Variants in USP49 observed in about 807,000 individuals in gnomAD.
The protein encoded by USP49 is ubiquitin specific peptidase 49.
Under a neutral mutation model 58.6 loss-of-function variants are expected in USP49, and 24 were observed. That is an observed-to-expected ratio of 0.41 (90% CI 0.30 to 0.58). The LOEUF is 0.58. Ranked by LOEUF, USP49 falls within the 20% of genes least tolerant of loss-of-function variation. The pLI, the probability that USP49 is intolerant of heterozygous loss-of-function variation, is 0.30. For synonymous variants in USP49, 408 were observed against 365.1 expected (o/e 1.12, Z -1.34); for missense variants, 703 against 866.1 (o/e 0.81, Z 2.36).
chr6:41,820,183 T>G (rs1351782088), intron 3 of USP49, among the ~76,000 whole-genome samples: 1 of 10,582 alleles, frequency 9.5e-5, no homozygotes, highest in East Asian at 5.6e-3. Flanking sequence ...CATCATTAGT[T>G]TTTTTTTTTT....
chr6:41,875,709 G>A (rs544580959), intron 2 of USP49, among the ~76,000 whole-genome samples: 2 of 152,066 alleles, frequency 1.3e-5, no homozygotes, highest in African/African-American at 2.4e-5. Context: ...TCACATTTTT[G>A]GCCTATCCAA....
intron 3 of USP49, among the ~76,000 whole-genome samples, chr6:41,848,240 C>CA: frequency 6.6e-6 from 1 of 152,030 alleles, no homozygotes; most frequent in Non-Finnish European, 1.5e-5. Context: ...AGAGAATCAA[C>CA]ATACATCGCT....
rs1773103953 is a variant in USP49, at chr6:41,805,763, C to G, written c.1221G>C (p.Leu407=). ...QQDAQEFLCE[L]LHKVQQELES... is the part of the protein sequence containing the mutation. ...CGAGTTCCTGCTGCACCTTGTGCAG[C>G]AGCTCGCAGAGAAATTCCTGCGCGT... is the stretch of plus-strand genomic sequence containing the variant. The change falls in exon 4 of 8, where the codon CTG becomes CTC. Residue 407 remains leucine, a synonymous_variant. Coordinates refer to ENST00000682992, the MANE Select transcript of USP49 (RefSeq NM_001286554.2). The G allele has an allele frequency of 6.2e-7, 1 of 1,614,130 alleles. No homozygotes were observed. The highest frequency in any genetic ancestry group is 1.3e-5 in the African/African-American group (1 of 75,026).
Position 41,806,437 on chromosome 6 carries a change from C to T in USP49, c.547G>A (p.Glu183Lys). The change falls in exon 4 of 8, where the codon GAG becomes AAG. Residue 183 changes from glutamate to lysine, a missense_variant. Around this residue, in one of 6 missense-constraint regions of USP49, gnomAD observed 376 missense variants for 373.5 expected, o/e 1.01. Coordinates refer to ENST00000682992, the MANE Select transcript of USP49 (RefSeq NM_001286554.2). The surrounding 1 kb of genome is among the most constrained non-coding windows in gnomAD (Gnocchi z 5.9). ...RQEEALERKK[E>K]EARRRRREVK... ...TCGCGCCGCCGCCTCCGCGCCTCCT[C>T]CTTCTTGCGCTCCAGGGCCTCCTCC... 2 of 1,585,602 alleles carry T rather than the reference C, an allele frequency of 1.3e-6. No homozygotes were observed. The highest frequency in any genetic ancestry group is 8.5e-7 in the Non-Finnish European group (1 of 1,174,326).
intron 3 of USP49, among the ~76,000 whole-genome samples, chr6:41,826,966 T>C (rs1773548939): frequency 6.6e-6 from 1 of 152,202 alleles, no homozygotes; most frequent in Non-Finnish European, 1.5e-5. Context: ...GTTGATATCA[T>C]ATAAGGGCCT....
chr6:41,840,290 C>A (rs575350239), intron 3 of USP49, among the ~76,000 whole-genome samples: 2 of 150,788 alleles, frequency 1.3e-5, no homozygotes, highest in African/African-American at 4.9e-5. Context: ...AGGAGAATGG[C>A]GTCAACCCGG....
intron 2 of USP49, among the ~76,000 whole-genome samples, chr6:41,877,793 T>G (rs1036973632): frequency 6.6e-5 from 10 of 152,170 alleles, no homozygotes; most frequent in African/African-American, 2.4e-4. Context: ...ACTCCTGGCC[T>G]CAAGTGATCT....
intron 3 of USP49, among the ~76,000 whole-genome samples, chr6:41,830,823 A>C (rs1264758979): frequency 6.6e-6 from 1 of 151,858 alleles, no homozygotes; most frequent in Non-Finnish European, 1.5e-5. Context: ...ACTCCGTCTC[A>C]AGAGAAAAAA....
At chr6:41,893,134 G>T (rs1774837353) in intron 1 of USP49, among the ~76,000 whole-genome samples, 1 of 152,172 alleles carries the variant, frequency 6.6e-6, no homozygotes, top group African/African-American at 2.4e-5. Context: ...TTACAGAGAT[G>T]TTTTTCCATC....
At chr6:41,822,857 G>A (rs546497263) in intron 3 of USP49, among the ~76,000 whole-genome samples, 11 of 151,592 alleles carry the variant, frequency 7.3e-5, no homozygotes, top group African/African-American at 2.7e-4. Flanking sequence ...TTGGTTTCAA[G>A]AGAAAAGATG....
rs780225618 is a variant in USP49 at position 41,799,930 on chromosome 6, G to A, written c.1570C>T (p.Arg524Ter). The change falls in exon 6 of 8, where the codon CGA becomes TGA. Residue 524 changes from arginine (R) to a stop codon, truncating the protein, a stop_gained. Coordinates refer to ENST00000682992, the MANE Select transcript of USP49 (RefSeq NM_001286554.2). LOFTEE classifies it high-confidence loss of function. The stretch of plus-strand genomic sequence containing the variant: ...ACAAGGGGTTTGGGATTGGATTTTC[G>A]TCGTTTGCCTATGTGGTTTGGGAAG... ...YACDQCNSKR[R>*]KSNPKPLVLS... 1.2e-6 allele frequency: 2 copies of A among 1,613,884 alleles called. No individual in the cohort carries two copies. The highest frequency in any genetic ancestry group is 1.7e-6 in the Non-Finnish European group (2 of 1,179,912).
At chr6:41,854,532 T>G (rs1774091783) in intron 3 of USP49, among the ~76,000 whole-genome samples, 1 of 152,174 alleles carries the variant, frequency 6.6e-6, no homozygotes, top group Non-Finnish European at 1.5e-5. Flanking sequence ...CAGGGTAAGA[T>G]TCCTATCTAT....
chr6:41,823,625 A>G (rs989641051), intron 3 of USP49, among the ~76,000 whole-genome samples: 3 of 152,146 alleles, frequency 2.0e-5, no homozygotes, highest in African/African-American at 7.2e-5. Flanking sequence ...TTATCAACCA[A>G]GGTACCAAGG....
At chr6:41,880,259 G>A (rs1774580803) in intron 2 of USP49, among the ~76,000 whole-genome samples, 1 of 152,020 alleles carries the variant, frequency 6.6e-6, no homozygotes, top group Admixed American at 6.6e-5. Context: ...AAAAAGATGG[G>A]AAATAGGAAA....
chr6:41,836,997 T>G (rs1773740270), intron 3 of USP49, among the ~76,000 whole-genome samples: 1 of 152,132 alleles, frequency 6.6e-6, no homozygotes, highest in Non-Finnish European at 1.5e-5. Flanking sequence ...TGCTCATGGA[T>G]AAGAAGAATC....
intron 3 of USP49, among the ~76,000 whole-genome samples, chr6:41,830,235 T>G (rs957972450): frequency 3.9e-5 from 6 of 152,350 alleles, no homozygotes; most frequent in African/African-American, 1.4e-4. Context: ...ACAGTTTAAT[T>G]CTTCTATGGT....
intron 3 of USP49, among the ~76,000 whole-genome samples, chr6:41,864,302 C>T (rs1774272831): frequency 6.6e-6 from 1 of 152,142 alleles, no homozygotes. Flanking sequence ...GTGGCTCATG[C>T]CTGTAATCCC....
chr6:41,813,593 A>G (rs184705380), intron 3 of USP49, among the ~76,000 whole-genome samples: 7 of 152,322 alleles, frequency 4.6e-5, no homozygotes, highest in African/African-American at 1.7e-4. Flanking sequence ...TTTCTGATCT[A>G]TAAATCTGCT....
chr6:41,839,358 T>C (rs1185246182), intron 3 of USP49, among the ~76,000 whole-genome samples: 3 of 131,126 alleles, frequency 2.3e-5, no homozygotes, highest in Non-Finnish European at 4.6e-5. Flanking sequence ...ATGAGCAAGA[T>C]TGTGCCACTG....
Sources: gnomAD v4.1 joint callset for allele counts (sites outside exome capture counted in the v4.1 genomes callset) on GRCh38, gnomAD v4.1.1 for gene constraint, gnomAD v4.1.1 regional missense constraint, Gnocchi (gnomAD v3.1) non-coding constraint, MANE v1.5 for transcripts, NCBI Gene and HGNC (gene_info 2026-07-23, HGNC 2026-07-21) for gene names.